SLC4A4: variants seen among roughly 807,000 people sequenced by gnomAD.
SLC4A4 encodes the protein electrogenic sodium bicarbonate cotransporter 1.
SLC4A4 carries 27 observed loss-of-function variants against 111.5 expected under a neutral mutation model. The observed-to-expected ratio is 0.24, with a 90% CI of 0.18 to 0.33. The LOEUF is 0.33. SLC4A4 is among the 10% of genes least tolerant of loss of function. The probability of loss-of-function intolerance (pLI) is 1.00; values close to 1 mark genes in which losing one functional copy is unlikely to be tolerated. For missense variants in SLC4A4, 909 were observed against 1,315.5 expected (o/e 0.69, Z 4.78); for synonymous variants, 443 against 463.4 (o/e 0.96, Z 0.57).
rs920720062 is a variant in SLC4A4, at chr4:71,568,721, G to T, written c.*970G>T. Reference sequence around the variant, plus strand: ...TCTACCTCTTATTTGTAGCTGCCAGGCTTTCTGTAAAAATTGTATTGTATA... The same window carrying T: ...TCTACCTCTTATTTGTAGCTGCCAGTCTTTCTGTAAAAATTGTATTGTATA... On this transcript the variant is annotated 3_prime_UTR_variant, in exon 26 of 26. Transcript: ENST00000264485. 1 of 151,952 alleles carries T rather than the reference G, an allele frequency of 6.6e-6. No homozygotes were observed. The highest frequency in any genetic ancestry group is 1.5e-5 in the Non-Finnish European group (1 of 67,740). The allele number at this position is 151,952 out of a possible 1,614,324, so 9.4% of individuals were successfully genotyped here.
intron 7 of SLC4A4, among the ~76,000 whole-genome samples, chr4:71,440,312 C>T (rs541113576): frequency 5.0e-4 from 76 of 152,168 alleles, no homozygotes; most frequent in African/African-American, 1.7e-3. Context: ...AACAACTTTT[C>T]GTTGAGTGAA....
chr4:71,355,643 A>G (rs1398741050), intron 5 of SLC4A4, among the ~76,000 whole-genome samples: 1 of 152,174 alleles, frequency 6.6e-6, no homozygotes, highest in Non-Finnish European at 1.5e-5. Context: ...TGGCTTCCAA[A>G]CAGTTGATAG....
At chr4:71,210,825 G>A (rs1272515821) in intron 1 of SLC4A4, among the ~76,000 whole-genome samples, 1 of 152,118 alleles carries the variant, frequency 6.6e-6, no homozygotes, top group Admixed American at 6.5e-5. Context: ...CATTTTTTAT[G>A]TCATCAGTCT....
chr4:71,507,761 ACT>A (rs1731549205), intron 16 of SLC4A4, among the ~76,000 whole-genome samples: 1 of 152,142 alleles, frequency 6.6e-6, no homozygotes, highest in Admixed American at 6.6e-5. Context: ...TATCTACAGA[ACT>A]CTCTGCCCCA....
intron 8 of SLC4A4, among the ~76,000 whole-genome samples, chr4:71,442,495 G>C (rs977537805): frequency 6.6e-6 from 1 of 152,170 alleles, no homozygotes; most frequent in Non-Finnish European, 1.5e-5. Flanking sequence ...TAATCACTGA[G>C]TAGGGAGTCT....
intron 3 of SLC4A4, among the ~76,000 whole-genome samples, chr4:71,282,972 T>G (rs1422288612): frequency 3.3e-5 from 5 of 152,186 alleles, no homozygotes; most frequent in African/African-American, 4.8e-5. Flanking sequence ...ATAAAGGGAC[T>G]ATTACATTGA....
chr4:71,240,069 T>C (rs756660078), intron 2 of SLC4A4, among the ~76,000 whole-genome samples: 5 of 151,976 alleles, frequency 3.3e-5, no homozygotes, highest in Non-Finnish European at 7.4e-5. Context: ...ATGGGGGAAA[T>C]TGCTAATTAC....
At chr4:71,229,651 G>A (rs1719275129) in intron 1 of SLC4A4, among the ~76,000 whole-genome samples, 1 of 152,112 alleles carries the variant, frequency 6.6e-6, no homozygotes, top group Non-Finnish European at 1.5e-5. Flanking sequence ...ATCTCCGGGA[G>A]TCATCACTGC....
At position 71,085,802 on chromosome 4, in the gene SLC4A4, T is replaced by A. The variant is rs1742149872; in HGVS notation, c.-64-6928T>A. ...ACCAATACCATGCTGTTTTGGTTAC[T>A]GTAGCCTTGTAGTATAGTTCAAAGT... On this transcript the variant is annotated intron_variant, in intron 1 of 26. Coordinates refer to the SLC4A4 transcript ENST00000649996. Among the ~76,000 whole-genome samples, 3 of 152,072 alleles carry A rather than the reference T, an allele frequency of 2.0e-5. No individual in the cohort carries two copies. In the South Asian group the frequency reaches 6.2e-4, roughly 31 times the overall value.
chr4:71,227,617 C>G lies in SLC4A4; in HGVS notation c.-1-8959C>G, dbSNP rs942658409. 1.3e-5 allele frequency among the ~76,000 whole-genome samples: 2 copies of G among 152,128 alleles called. 1 individual carries two copies. The highest frequency in any genetic ancestry group is 3.9e-4 in the East Asian group (2 of 5,164). Reference sequence around the variant, plus strand: ...GGTATCATCCCTTCTTCCCTTTGCTCTTCTTTCCTTATTCTGCTGCTGGTT... The same window carrying G: ...GGTATCATCCCTTCTTCCCTTTGCTGTTCTTTCCTTATTCTGCTGCTGGTT... On this transcript the variant is annotated intron_variant, in intron 1 of 25. Transcript: ENST00000264485.
rs113503936 is a variant in SLC4A4 at position 71,295,950 on chromosome 4, G to A, written c.253+40551G>A. Among the ~76,000 whole-genome samples, 756 of 151,630 alleles carry A rather than the reference G, an allele frequency of 5.0e-3. 5 individuals are homozygous for A. Among genetic ancestry groups the A allele is most frequent in the African/African-American group, 0.017 (722 of 41,332 alleles). On this transcript the variant is annotated intron_variant, in intron 3 of 25. Transcript: ENST00000264485. ...GCTGGGATTACAGTCATGAACCACC[G>A]TGCCTGGCCTCAGTCCTCCATTTCT...
At chr4:71,220,381 A>C (rs547808539) in intron 1 of SLC4A4, among the ~76,000 whole-genome samples, 5 of 152,174 alleles carry the variant, frequency 3.3e-5, no homozygotes, top group Non-Finnish European at 5.9e-5. Context: ...GGGAAACAAA[A>C]ATTTCATGTG....
At chr4:71,143,717 T>A (rs956293905) in intron 2 of SLC4A4, among the ~76,000 whole-genome samples, 25 of 152,100 alleles carry the variant, frequency 1.6e-4, no homozygotes, top group African/African-American at 6.0e-4. Flanking sequence ...AGCATTTTAC[T>A]GTGTCTTTTG....
intron 1 of SLC4A4, among the ~76,000 whole-genome samples, chr4:71,213,775 C>T (rs1041493593): frequency 6.6e-6 from 1 of 152,148 alleles, no homozygotes; most frequent in African/African-American, 2.4e-5. Context: ...TAAGAAGAGA[C>T]ATGCGAGAGA....
chr4:71,543,681 T>C (rs1735267255), intron 18 of SLC4A4, among the ~76,000 whole-genome samples: 1 of 152,096 alleles, frequency 6.6e-6, no homozygotes, highest in African/African-American at 2.4e-5. Context: ...TTTTGACCCA[T>C]TCATCTGGCT....
At chr4:71,464,025 C>A (rs956062449) in intron 12 of SLC4A4, among the ~76,000 whole-genome samples, 12 of 152,136 alleles carry the variant, frequency 7.9e-5, no homozygotes, top group Non-Finnish European at 1.6e-4. Flanking sequence ...GTATATCTGC[C>A]TATCACATGC....
At chr4:71,203,883 C>T (rs1205598502) in intron 1 of SLC4A4, among the ~76,000 whole-genome samples, 1 of 151,590 alleles carries the variant, frequency 6.6e-6, no homozygotes, top group Non-Finnish European at 1.5e-5. Context: ...TTTAATCACT[C>T]ACAAAGTTTT....
chr4:71,153,239 T>A (rs1372283224), intron 2 of SLC4A4, among the ~76,000 whole-genome samples: 2 of 151,696 alleles, frequency 1.3e-5, no homozygotes, highest in African/African-American at 2.4e-5. Context: ...CTAGGCTTTA[T>A]ATTTTAAACA....
chr4:71,456,921 A>C (rs1198742819), intron 12 of SLC4A4, among the ~76,000 whole-genome samples: 1 of 152,190 alleles, frequency 6.6e-6, no homozygotes, highest in Non-Finnish European at 1.5e-5. Context: ...ACATGCCTTC[A>C]TAAATGTGGC....
Sources: allele counts gnomAD v4.1 joint callset (sites outside exome capture counted in the v4.1 genomes callset), GRCh38; gene constraint gnomAD v4.1.1; transcripts MANE v1.5; gene names NCBI Gene and HGNC (gene_info 2026-07-23, HGNC 2026-07-21).